AHNAK: variants seen among roughly 807,000 people sequenced by gnomAD.
AHNAK encodes the protein neuroblast differentiation-associated protein AHNAK.
A neutral mutation model predicts 37.8 loss-of-function variants in AHNAK; 23 were observed. The ratio of observed to expected loss-of-function variants is 0.61; its 90% CI spans 0.44 to 0.86. The LOEUF (loss-of-function observed/expected upper bound fraction) is 0.86. Among genes scored for constraint, AHNAK ranks in the 40% least tolerant of loss-of-function variants. AHNAK has a pLI of 0.00. For missense variants in AHNAK, 7,411 were observed against 7,319.4 expected, an observed-to-expected ratio of 1.01 and a Z score of -0.46; for synonymous variants, 2,481 against 2,636.3, an observed-to-expected ratio of 0.94 and a Z score of 1.80.
chr11:62,479,167 C>CTTTTTTTTTTTTTTTTTTTTTTTTTTTTT (rs33929407), intron 5 of AHNAK, among the ~76,000 whole-genome samples: 2 of 116,252 alleles, frequency 1.7e-5, no homozygotes, highest in Non-Finnish European at 3.3e-5. Flanking sequence ...TTTCTTTTTT[C>CTTTTTTTTTTTTTTTTTTTTTTTTTTTTT]TTTTTTTTTT....
At position 62,535,204 on chromosome 11, in the gene AHNAK, A is replaced by G. The variant is rs1385546821; in HGVS notation, c.155-14T>C. On this transcript the variant is annotated splice_polypyrimidine_tract_variant and intron_variant, in intron 3 of 4. Transcript: ENST00000378024. ...CAATCTGGTCCCCTGAGCAGGGAAG[A>G]GCAGGAAGCAGGTAAGGCCCAAAGA... is the stretch of plus-strand genomic sequence containing the variant. 2 of 1,599,982 alleles carry G rather than the reference A, an allele frequency of 1.3e-6. No individual in the cohort carries two copies. Among genetic ancestry groups the G allele is most frequent in the African/African-American group, 2.7e-5 (2 of 74,692 alleles).
At chr11:62,490,204 T>C (rs1240855718) in intron 5 of AHNAK, among the ~76,000 whole-genome samples, 3 of 140,170 alleles carry the variant, frequency 2.1e-5, no homozygotes, top group Non-Finnish European at 4.7e-5. Context: ...TTTCTTTTTT[T>C]TTTTTTTTTT....
rs1158839377 is a variant in AHNAK at position 62,532,307 on chromosome 11, A to G, written c.2110T>C (p.Leu704=). 1 of 1,614,020 alleles carries G rather than the reference A, an allele frequency of 6.2e-7. No homozygotes were observed. The highest frequency in any genetic ancestry group is 1.3e-5 in the African/African-American group (1 of 74,980). Residue 704 remains leucine, a synonymous_variant, in exon 5 of 5, where the codon TTG becomes CTG. Transcript: ENST00000378024. ...TPKISMPDVD[L]HVKGTKVKGE... is the part of the protein sequence containing the mutation. ...TTCACCTTTGTACCTTTCACGTGCA[A>G]ATCTACATCAGGCATGGAGATCTTT... is the stretch of plus-strand genomic sequence containing the variant.
intron 4 of AHNAK, among the ~76,000 whole-genome samples, chr11:62,500,327 C>G (rs1939689454): frequency 6.6e-6 from 1 of 152,160 alleles, no homozygotes; most frequent in South Asian, 2.1e-4. Context: ...TCACCTGAGG[C>G]CTTCAAATCA....
chr11:62,526,648 C>T lies in AHNAK; in HGVS notation c.7769G>A (p.Gly2590Asp), dbSNP rs769173522. 1 of 1,612,986 alleles carries T rather than the reference C, an allele frequency of 6.2e-7. No homozygotes were observed. The highest frequency in any genetic ancestry group is 8.5e-7 in the Non-Finnish European group (1 of 1,179,814). ...ATCCACATCGCCCTTCACCTTGGGA[C>T]CTTTCAGATGCAAATCAAAGTCAGG... ...SMPDFDLHLK[G>D]PKVKGDVDVS... is the part of the protein sequence containing the mutation. The change falls in exon 5 of 5, where the codon GGT (glycine) becomes GAT (aspartate). Residue 2590 changes from glycine (G) to aspartate (D), a missense_variant. By Grantham distance (94) the Gly-to-Asp change is moderately conservative. Coordinates refer to ENST00000378024, the MANE Select transcript of AHNAK (RefSeq NM_001620.3).
chr11:62,469,765 G>A (rs1938992799), intron 5 of AHNAK, among the ~76,000 whole-genome samples: 1 of 152,114 alleles, frequency 6.6e-6, no homozygotes, highest in African/African-American at 2.4e-5. Flanking sequence ...ACTACGTGGG[G>A]CCTACGTGTA....
At chr11:62,486,117 G>T (rs534688679) in intron 5 of AHNAK, among the ~76,000 whole-genome samples, 1 of 151,790 alleles carries the variant, frequency 6.6e-6, no homozygotes, top group South Asian at 2.1e-4. Context: ...AAGCTAGACA[G>T]AAGAGGACAA....
intron 4 of AHNAK, among the ~76,000 whole-genome samples, chr11:62,509,957 T>C (rs2134181916): frequency 6.6e-6 from 1 of 152,300 alleles, no homozygotes; most frequent in South Asian, 2.1e-4. Flanking sequence ...AGACAGTTAC[T>C]GGGGCAACTG....
At chr11:62,475,290 C>T (rs750784412) in intron 5 of AHNAK, among the ~76,000 whole-genome samples, 4 of 145,420 alleles carry the variant, frequency 2.8e-5, no homozygotes, top group Non-Finnish European at 4.7e-5. Context: ...GGCAATAGAG[C>T]GAGACTTTGT....
In AHNAK at chr11:62,524,987, G is replaced by A. The variant is rs777998188; in HGVS notation, c.9430C>T (p.Pro3144Ser). 1.2e-6 allele frequency: 2 copies of A among 1,613,518 alleles called. No individual in the cohort carries two copies. The highest frequency in any genetic ancestry group is 1.6e-4 in the Middle Eastern group (1 of 6,082). The change falls in exon 5 of 5, where the codon CCA (proline) becomes TCA (serine). Residue 3144 changes from proline (P) to serine (S), a missense_variant. Pro to Ser is a moderately conservative substitution (Grantham distance 74). Coordinates refer to ENST00000378024, the MANE Select transcript of AHNAK (RefSeq NM_001620.3). ...INAPDVDVQGPDWHLKMPKIK... is the reference protein window; with the variant it reads ...INAPDVDVQGSDWHLKMPKIK... ...TTAGGCATCTTCAGGTGCCAGTCTG[G>A]GCCTTGAACATCCACATCTGGGGCA... is the stretch of plus-strand genomic sequence containing the variant.
At chr11:62,466,469 A>ATTTTTTTTTTTTTTTT (rs67385747) in intron 5 of AHNAK, among the ~76,000 whole-genome samples, 1 of 135,780 alleles carries the variant, frequency 7.4e-6, no homozygotes, top group African/African-American at 2.8e-5. Flanking sequence ...TAAAGTTTTG[A>ATTTTTTTTTTTTTTTT]TTTTTTTTTT....
intron 4 of AHNAK, among the ~76,000 whole-genome samples, chr11:62,508,619 C>T (rs972416713): frequency 2.0e-5 from 3 of 152,226 alleles, no homozygotes; most frequent in African/African-American, 7.2e-5. Flanking sequence ...TGAAACTGCC[C>T]TCCTCAGCAG....
chr11:62,447,629 G>C lies in AHNAK; in HGVS notation c.443-13738C>G, dbSNP rs3017108. The stretch of plus-strand genomic sequence containing the variant: ...ACTTTGCTGTTACCCACAGTGAAAA[G>C]CCTCCCAAGCTGACATAGCCCTCCT... On this transcript the variant is annotated intron_variant, in intron 5 of 5. Coordinates refer to the AHNAK transcript ENST00000257247. 8.3e-4 allele frequency among the ~76,000 whole-genome samples: 124 copies of C among 149,254 alleles called. No homozygotes were observed. In the East Asian group the frequency reaches 0.013, roughly 16 times the overall value.
At chr11:62,497,898 A>G (rs1262870896) in intron 4 of AHNAK, among the ~76,000 whole-genome samples, 1 of 151,868 alleles carries the variant, frequency 6.6e-6, no homozygotes, top group Non-Finnish European at 1.5e-5. Context: ...TGGGAAGCAG[A>G]GGTTGCAGTG....
At position 62,528,790 on chromosome 11, in the gene AHNAK, G is replaced by A. The variant is rs200115133; in HGVS notation, c.5627C>T (p.Ser1876Leu). The change falls in exon 5 of 5, where the codon TCG becomes TTG. Residue 1876 changes from serine (S) to leucine (L), a missense_variant. By Grantham distance (145) the Ser-to-Leu change is moderately radical. Transcript: ENST00000378024. The stretch of plus-strand genomic sequence containing the variant: ...TAAATCTCCCTCCAATTTTGGCACC[G>A]ACACATCCGCATCCCCTTTGACTTT... ...GPKVKGDADV[S>L]VPKLEGDLTG... The A allele has an allele frequency of 1.0e-4, 166 of 1,610,102 alleles. No homozygotes were observed. Among genetic ancestry groups the A allele is most frequent in the South Asian group, 2.5e-4 (23 of 90,856 alleles).
rs773966471 is a variant in AHNAK at position 62,530,810 on chromosome 11, G to C, written c.3607C>G (p.His1203Asp). 2.5e-6 allele frequency: 4 copies of C among 1,608,138 alleles called. No homozygotes were observed. Among genetic ancestry groups the C allele is most frequent in the South Asian group, 2.2e-5 (2 of 90,782 alleles). Residue 1203 changes from histidine to aspartate, a missense_variant, in exon 5 of 5, where the codon CAC (histidine) becomes GAC (aspartate). By Grantham distance (81) the His-to-Asp change is moderately conservative. Transcript: ENST00000378024. ...CCTTTGACTTTGGGGCCTTTCAAGT[G>C]TAAGTCCACATCAGGCATGGAGATC... is the stretch of plus-strand genomic sequence containing the variant. ...PKISMPDVDL[H>D]LKGPKVKGDV...
chr11:62,514,658 T>G (rs150431066), downstream of AHNAK, among the ~76,000 whole-genome samples: 29 of 152,344 alleles, frequency 1.9e-4, no homozygotes, highest in African/African-American at 6.7e-4. Flanking sequence ...TGAATGCTGC[T>G]ATCCCAATTT....
chr11:62,525,467 A>G lies in AHNAK; in HGVS notation c.8950T>C (p.Ser2984Pro). The G allele has an allele frequency of 6.2e-7, 1 of 1,611,998 alleles. No individual in the cohort carries two copies. Among genetic ancestry groups the G allele is most frequent in the South Asian group, 1.1e-5 (1 of 90,980 alleles). Residue 2984 changes from serine to proline, a missense_variant, in exon 5 of 5, where the codon TCT (serine) becomes CCT (proline). Ser to Pro is a moderately conservative substitution (Grantham distance 74, BLOSUM62 -1). Coordinates refer to ENST00000378024, the MANE Select transcript of AHNAK (RefSeq NM_001620.3). Reference sequence around the variant, plus strand: ...AGGTCACCTTCCACTTTGGGCAGAGAAATATCCACATCGCCCTTCACCTTG... The same window carrying G: ...AGGTCACCTTCCACTTTGGGCAGAGGAATATCCACATCGCCCTTCACCTTG... ...GPKVKGDVDI[S>P]LPKVEGDLKG...
chr11:62,518,575 T>C lies in AHNAK; in HGVS notation c.15842A>G (p.Lys5281Arg), dbSNP rs140003431. 12 of 1,614,078 alleles carry C rather than the reference T, an allele frequency of 7.4e-6. No individual in the cohort carries two copies. The African/African-American group carries it at 1.2e-4, about 16-fold the overall frequency. Residue 5281 changes from lysine to arginine, a missense_variant, in exon 5 of 5, where the codon AAG becomes AGG. Coordinates refer to ENST00000378024, the MANE Select transcript of AHNAK (RefSeq NM_001620.3). The stretch of plus-strand genomic sequence containing the variant: ...TGAAGGCAAGTCTACTCCTGGCCCC[T>C]TTAGAGAAACATCGGGCCCTTCGAG... ...VKLEGPDVSL[K>R]GPGVDLPSVN...
Sources: allele counts gnomAD v4.1 joint callset (sites outside exome capture counted in the v4.1 genomes callset), GRCh38; gene constraint gnomAD v4.1.1; transcripts MANE v1.5; gene names NCBI Gene and HGNC (gene_info 2026-07-23, HGNC 2026-07-21).